The following KDM3B variants were observed in gnomAD, a reference collection of about 807,000 sequenced individuals.
KDM3B encodes lysine demethylase 3B.
In KDM3B, 10 loss-of-function variants were observed where a neutral mutation model predicts 170.0. The observed-to-expected ratio is 0.06, with a 90% confidence interval of 0.04 to 0.10. The LOEUF is 0.10. Ranked by LOEUF, KDM3B falls within the 10% of genes least tolerant of loss-of-function variation. The probability of loss-of-function intolerance (pLI) is 1.00; values close to 1 mark genes in which losing one functional copy is unlikely to be tolerated. For missense variants in KDM3B, 1,394 were observed against 2,195.2 expected (o/e 0.64, Z 7.29); for synonymous variants, 831 against 834.8 (o/e 1.00, Z 0.08).
In KDM3B at chr5:138,386,442, G is replaced by T; in HGVS notation, c.1201G>T (p.Ala401Ser). 6.2e-7 allele frequency: 1 copy of T among 1,614,128 alleles called. No individual in the cohort carries two copies. Among genetic ancestry groups the T allele is most frequent in the Non-Finnish European group, 8.5e-7 (1 of 1,180,042 alleles). ...ACCTTTGGCCCCAGAGGTGGGTGGA[G>T]CCGAAAACAAAGAGGCAGGAAAAAC... ...QTPLAPEVGG[A>S]ENKEAGKTLE... Residue 401 changes from alanine (A) to serine (S), a missense_variant, in exon 7 of 24, where the codon GCC (alanine) becomes TCC (serine). By Grantham distance (99) the Ala-to-Ser change is moderately conservative. Around this residue, in one of 19 missense-constraint regions of KDM3B, gnomAD observed 205 missense variants for 227.6 expected, o/e 0.90. Coordinates refer to ENST00000314358, the MANE Select transcript of KDM3B (RefSeq NM_016604.4).
chr5:138,428,249 C>G (rs571272478), intron 20 of KDM3B, among the ~76,000 whole-genome samples, 163 bp downstream of exon 20: 1 of 151,764 alleles, frequency 6.6e-6, no homozygotes, highest in South Asian at 2.1e-4. Flanking sequence ...CGCTCTGTCC[C>G]CCAGGCTAGA....
chr5:138,373,627 C>T (rs1464881767), intron 2 of KDM3B, among the ~76,000 whole-genome samples: 3 of 151,988 alleles, frequency 2.0e-5, no homozygotes, highest in Non-Finnish European at 2.9e-5. Flanking sequence ...GGACTACAGA[C>T]GCACAGCACG....
intron 13 of KDM3B, 61 bp downstream of exon 13, chr5:138,417,671 C>T: frequency 6.4e-7 from 1 of 1,557,196 alleles, no homozygotes; most frequent in Non-Finnish European, 8.8e-7. Context: ...CCAGGAAATG[C>T]CCCCTTTTCA....
chr5:138,419,642 G>T (rs1763203706), intron 14 of KDM3B, among the ~76,000 whole-genome samples: 2 of 105,424 alleles, frequency 1.9e-5, no homozygotes, highest in East Asian at 3.2e-4. Flanking sequence ...GTAACAGCAA[G>T]ACTCTGTCTC....
rs201658607 is a variant in KDM3B, at chr5:138,427,098, G to C, written c.4502+33G>C. 31 of 1,610,588 alleles carry C rather than the reference G, an allele frequency of 1.9e-5. No homozygotes were observed. In the East Asian group the frequency reaches 6.5e-4, roughly 34 times the overall value. On this transcript the variant is annotated intron_variant, in intron 18 of 23. Coordinates refer to ENST00000314358, the MANE Select transcript of KDM3B (RefSeq NM_016604.4). ...ACCTGCAGTGGTGTCATCTTCAGAAGCCATCACAAAGTAATCACAGAAAAG... is the reference window on the plus strand; with the variant it reads ...ACCTGCAGTGGTGTCATCTTCAGAACCCATCACAAAGTAATCACAGAAAAG...
chr5:138,417,884 C>A, intron 13 of KDM3B: 1 of 300,904 alleles, frequency 3.3e-6, no homozygotes, highest in Non-Finnish European at 6.3e-6. Flanking sequence ...ACCTCAGGGT[C>A]TTTGTATGGG....
At chr5:138,410,916 T>C (rs1270499573) in intron 11 of KDM3B, among the ~76,000 whole-genome samples, 1 of 152,192 alleles carries the variant, frequency 6.6e-6, no homozygotes, top group Non-Finnish European at 1.5e-5. Context: ...GAGCCAGGTG[T>C]ACAGGATGGA....
Position 138,352,859 on chromosome 5 carries a change from G to A in KDM3B, c.64G>A (p.Ala22Thr). 7.3e-7 allele frequency: 1 copy of A among 1,377,120 alleles called. No homozygotes were observed. Among genetic ancestry groups the A allele is most frequent in the Middle Eastern group, 2.6e-4 (1 of 3,794 alleles). 85.3% of individuals were successfully genotyped at this position (1,377,120 alleles called of 1,614,324 possible). The part of the protein sequence containing the change: ...RLLLLFADTA[A>T]SASASAPAAA... ...GCTGCTGCTGTTCGCGGACACTGCG[G>A]CCTCAGCCTCGGCCTCGGCTCCCGC... The change falls in exon 1 of 24, where the codon GCC (alanine) becomes ACC (threonine). Residue 22 changes from alanine (A) to threonine (T), a missense_variant. By Grantham distance (58) the Ala-to-Thr change is moderately conservative. Around this residue, in one of 19 missense-constraint regions of KDM3B, gnomAD observed 99 missense variants for 97.5 expected, o/e 1.02. Transcript: ENST00000314358.
rs1049225900 is a variant in KDM3B at position 138,381,770 on chromosome 5, G to T, written c.780+180G>T. 2.9e-5 allele frequency: 16 copies of T among 542,570 alleles called. No individual in the cohort carries two copies. In the Admixed American group the frequency reaches 3.1e-4, roughly 11 times the overall value. 33.6% of individuals were successfully genotyped at this position (542,570 alleles called of 1,614,324 possible). On this transcript the variant is annotated intron_variant, in intron 6 of 23. Coordinates refer to ENST00000314358, the MANE Select transcript of KDM3B (RefSeq NM_016604.4). ...TAAGGGGGGATATTCTCAAGAAAGA[G>T]ACCTAGTTTGAGCAAACCCTTTTAA...
chr5:138,415,548 C>A (rs1264046659), intron 12 of KDM3B, among the ~76,000 whole-genome samples: 1 of 152,082 alleles, frequency 6.6e-6, no homozygotes, highest in Admixed American at 6.6e-5. Context: ...AGTGATCCTC[C>A]CACCTCGGCC....
rs151003677 is a variant in KDM3B, at chr5:138,426,249, A to G, written c.4411+667A>G. Among the ~76,000 whole-genome samples the G allele has an allele frequency of 5.2e-4, 79 of 152,264 alleles. 1 individual carries two copies. The highest frequency in any genetic ancestry group is 4.7e-3 in the Admixed American group (72 of 15,284). ...GAGGAAAACAAAGCCCACCTTGTCC[A>G]TTATGGGGGTTTACAAGTCTGAAAT... is the stretch of plus-strand genomic sequence containing the variant. On this transcript the variant is annotated intron_variant, in intron 17 of 23. Coordinates refer to ENST00000314358, the MANE Select transcript of KDM3B (RefSeq NM_016604.4).
At chr5:138,430,135 C>A in intron 21 of KDM3B, 114 bp from the exon 22 acceptor site, 2 of 1,372,212 alleles carry the variant, frequency 1.5e-6, no homozygotes, top group Admixed American at 2.3e-5. Flanking sequence ...AGGATGTTGA[C>A]TAGAATAAAG....
chr5:138,432,935 G>A (rs866693796), intron 23 of KDM3B, among the ~76,000 whole-genome samples: 5 of 151,732 alleles, frequency 3.3e-5, no homozygotes, highest in African/African-American at 9.7e-5. Flanking sequence ...TAGTAGAGAC[G>A]GGGTTTCACT....
chr5:138,375,061 T>C, intron 2 of KDM3B, 32 bp from the exon 3 acceptor site: 1 of 1,177,794 alleles, frequency 8.5e-7, no homozygotes, highest in Non-Finnish European at 1.3e-6. Flanking sequence ...ATTCCCAAGT[T>C]CTAATCAATT....
chr5:138,366,745 C>T (rs981882906), intron 1 of KDM3B, among the ~76,000 whole-genome samples: 4 of 152,176 alleles, frequency 2.6e-5, no homozygotes, highest in Non-Finnish European at 5.9e-5. Flanking sequence ...AGGAACTAGA[C>T]TTGTGAGAAA....
At chr5:138,428,940 CTTTTTTTTTTTTT>C (rs397884825) in intron 20 of KDM3B, among the ~76,000 whole-genome samples, 1 of 101,236 alleles carries the variant, frequency 9.9e-6, no homozygotes, top group Admixed American at 1.1e-4. Context: ...GGGATAATTT[CTTTTTTTTTTTTT>C]TTTTTTTTTT....
At chr5:138,434,353 G>A (rs879567316) in intron 23 of KDM3B, among the ~76,000 whole-genome samples, 3 of 152,138 alleles carry the variant, frequency 2.0e-5, no homozygotes, top group Admixed American at 6.5e-5. Context: ...TTCGAGACCA[G>A]CCTGGCCAAT....
chr5:138,385,942 G>C, intron 6 of KDM3B, 80 bp from the exon 7 acceptor site: 1 of 1,485,076 alleles, frequency 6.7e-7, no homozygotes. Flanking sequence ...TCTGCTTCTA[G>C]AGATGGGAAA....
At chr5:138,380,804 C>T (rs1762107155) in intron 5 of KDM3B, among the ~76,000 whole-genome samples, 1 of 151,554 alleles carries the variant, frequency 6.6e-6, no homozygotes, top group African/African-American at 2.4e-5. Context: ...AACTCCTGGT[C>T]CTCCTGCCTC....
Sources: gnomAD v4.1 joint callset for allele counts (sites outside exome capture counted in the v4.1 genomes callset) on GRCh38, gnomAD v4.1.1 for gene constraint, gnomAD v4.1.1 regional missense constraint, MANE v1.5 for transcripts, NCBI Gene and HGNC (gene_info 2026-07-23, HGNC 2026-07-21) for gene names.